The following GAB4 variants were observed in gnomAD, a reference collection of about 807,000 sequenced individuals.
The protein encoded by GAB4 is GRB2-associated-binding protein 4.
Under a neutral mutation model 51.3 loss-of-function variants are expected in GAB4, and 26 were observed. The observed-to-expected ratio is 0.51, with a 90% confidence interval of 0.37 to 0.70. GAB4 has a LOEUF of 0.70. GAB4 is among the 30% of genes least tolerant of loss of function. The pLI, the probability that GAB4 is intolerant of heterozygous loss-of-function variation, is 0.00. For missense variants in GAB4, 759 were observed against 734.6 expected (o/e 1.03, Z -0.38); for synonymous variants, 329 against 291.2 (o/e 1.13, Z -1.32).
At chr22:16,984,373 T>C (rs1228367394) in intron 3 of GAB4, among the ~76,000 whole-genome samples, 1 of 152,220 alleles carries the variant, frequency 6.6e-6, no homozygotes, top group Non-Finnish European at 1.5e-5. Context: ...GCACAGCCAC[T>C]ATGGAAAACA....
chr22:16,985,963 A>G (rs1197548365), intron 3 of GAB4, among the ~76,000 whole-genome samples: 3 of 152,260 alleles, frequency 2.0e-5, no homozygotes, highest in Non-Finnish European at 4.4e-5. Flanking sequence ...GACAGCCCCA[A>G]ATGCTGGGAG....
At chr22:17,004,488 C>T (rs1288615882) in intron 1 of GAB4, among the ~76,000 whole-genome samples, 2 of 152,138 alleles carry the variant, frequency 1.3e-5, no homozygotes, top group Admixed American at 6.5e-5. Context: ...ACGATCAAGT[C>T]GACTTCATTC....
chr22:16,988,001 G>A lies in GAB4; in HGVS notation c.645C>T (p.Leu215=). Reference sequence around the variant, plus strand: ...TCTGGCTGGCGTGCTGGTGCGAGCGGAGACACCCCGGAGGTGCAGGGATGG... The same window carrying A: ...TCTGGCTGGCGTGCTGGTGCGAGCGAAGACACCCCGGAGGTGCAGGGATGG... ...TWPIPAPPGC[L]RSHQHASQRA... is the part of the protein sequence containing the mutation. The change falls in exon 3 of 10, where the codon CTC becomes CTT. Residue 215 remains leucine (L), a synonymous_variant. Coordinates refer to ENST00000400588, the MANE Select transcript of GAB4 (RefSeq NM_001037814.1). 1 of 1,610,122 alleles carries A rather than the reference G, an allele frequency of 6.2e-7. No individual in the cohort carries two copies. Among genetic ancestry groups the A allele is most frequent in the South Asian group, 1.1e-5 (1 of 90,266 alleles).
chr22:16,984,669 G>A (rs2060853480), intron 3 of GAB4, among the ~76,000 whole-genome samples: 1 of 152,230 alleles, frequency 6.6e-6, no homozygotes, highest in Admixed American at 6.5e-5. Context: ...GAGACTGCAA[G>A]TTCCATCTCT....
At position 16,966,198 on chromosome 22, in the gene GAB4, C is replaced by T. The variant is rs771814028; in HGVS notation, c.1190G>A (p.Gly397Asp). ...CATAGAAAGCTCTGTGAGTGGGGAG[C>T]CAAGCAGGTCAAAGCGAACAAGACA... ...GSCLVRFDLL[G>D]SPLTELSMHQ... Residue 397 changes from glycine to aspartate, a missense_variant, in exon 6 of 10, where the codon GGC (glycine) becomes GAC (aspartate). Around this residue, in one of 3 missense-constraint regions of GAB4, gnomAD observed 588 missense variants for 510.2 expected, o/e 1.15. Coordinates refer to ENST00000400588, the MANE Select transcript of GAB4 (RefSeq NM_001037814.1). 5.6e-6 allele frequency: 9 copies of T among 1,613,904 alleles called. No homozygotes were observed. The African/African-American group carries it at 1.2e-4, about 22-fold the overall frequency.
intron 3 of GAB4, among the ~76,000 whole-genome samples, chr22:16,987,632 A>G (rs564109013): frequency 3.9e-4 from 60 of 152,348 alleles, no homozygotes; most frequent in African/African-American, 1.4e-3. Context: ...TCTTAAGGCC[A>G]ACACATAAAC....
At chr22:16,986,612 A>G (rs1296021198) in intron 3 of GAB4, among the ~76,000 whole-genome samples, 1 of 152,202 alleles carries the variant, frequency 6.6e-6, no homozygotes, top group African/African-American at 2.4e-5. Flanking sequence ...TCAATTTGAA[A>G]CCATATCTGG....
chr22:16,962,729 C>T lies in GAB4; in HGVS notation c.*4G>A, dbSNP rs377298328. On this transcript the variant is annotated 3_prime_UTR_variant, in exon 10 of 10. Coordinates refer to ENST00000400588, the MANE Select transcript of GAB4 (RefSeq NM_001037814.1). ...TGGCCCCACTCTGGTTTTGGTGGCC[C>T]GAGTCACAGCTTGGCGCCCCTGGGA... 1.2e-5 allele frequency: 20 copies of T among 1,608,222 alleles called. No homozygotes were observed. The highest frequency in any genetic ancestry group is 1.6e-5 in the Non-Finnish European group (19 of 1,178,450).
intron 1 of GAB4, among the ~76,000 whole-genome samples, chr22:17,000,520 G>A (rs538174385): frequency 1.3e-5 from 2 of 151,952 alleles, no homozygotes; most frequent in South Asian, 4.2e-4. Flanking sequence ...TTTATTTTGA[G>A]CCTATGTGTG....
chr22:16,997,028 A>G (rs1347638810), intron 1 of GAB4, among the ~76,000 whole-genome samples: 2 of 152,074 alleles, frequency 1.3e-5, no homozygotes, highest in African/African-American at 4.8e-5. Flanking sequence ...TCCATGGTGT[A>G]TATGTGCCAC....
chr22:16,986,643 T>C (rs1601275676), intron 3 of GAB4, among the ~76,000 whole-genome samples: 1 of 152,360 alleles, frequency 6.6e-6, no homozygotes, highest in East Asian at 1.9e-4. Flanking sequence ...GCCTGTGCCA[T>C]GCTTTCCATT....
At chr22:17,005,562 T>C (rs1271970497) in intron 1 of GAB4, among the ~76,000 whole-genome samples, 1 of 151,928 alleles carries the variant, frequency 6.6e-6, no homozygotes, top group Non-Finnish European at 1.5e-5. Context: ...TAAGCAAAAA[T>C]AACAAAGCTG....
chr22:16,965,073 C>T, intron 7 of GAB4, 105 bp downstream of exon 7: 1 of 864,288 alleles, frequency 1.2e-6, no homozygotes, highest in Non-Finnish European at 1.8e-6. Context: ...GCCATGTCCA[C>T]ATCGACATGA....
intron 1 of GAB4, among the ~76,000 whole-genome samples, chr22:17,004,014 A>G (rs1339929131): frequency 1.3e-5 from 2 of 152,240 alleles, no homozygotes; most frequent in African/African-American, 4.8e-5. Flanking sequence ...CCACAGAAAT[A>G]CAAACTACCA....
intron 5 of GAB4, 166 bp from the exon 6 acceptor site, chr22:16,966,530 T>G (rs868353113): frequency 4.3e-6 from 3 of 700,748 alleles, no homozygotes; most frequent in Admixed American, 3.0e-5. Context: ...GCGGCCCAGA[T>G]AGAAGTGCCC....
chr22:16,967,925 A>C (rs975033284), intron 5 of GAB4, among the ~76,000 whole-genome samples: 1 of 151,406 alleles, frequency 6.6e-6, no homozygotes, highest in African/African-American at 2.4e-5. Context: ...ATCACCCACC[A>C]CCCCAGCAGC....
rs115898475 is a variant in GAB4, at chr22:16,966,347, C to T, written c.1041G>A (p.Val347=). ...VCSFLPGRTL[V]GLSDSIASEG... is the part of the protein sequence containing the mutation. ...CAGAAGCAATGCTGTCTGACAGGCC[C>T]ACAAGCGTTCTTCCTGGCTAGGAAG... The change falls in exon 6 of 10, where the codon GTG becomes GTA. Residue 347 remains valine, a synonymous_variant. Coordinates refer to ENST00000400588, the MANE Select transcript of GAB4 (RefSeq NM_001037814.1). 9 of 1,611,852 alleles carry T rather than the reference C, an allele frequency of 5.6e-6. No individual in the cohort carries two copies. The highest frequency in any genetic ancestry group is 7.6e-6 in the Non-Finnish European group (9 of 1,178,748).
In GAB4 at chr22:16,992,317, G is replaced by A. The variant is rs2060920855; in HGVS notation, c.175-141C>T. ...CCTTTCGGATTTCCCCAGTTTCAAA[G>A]GTGGAGAGTGACTTTGAATGCATTT... On this transcript the variant is annotated intron_variant, in intron 1 of 9. Transcript: ENST00000400588. 4.3e-6 allele frequency: 3 copies of A among 696,826 alleles called. No homozygotes were observed. In the African/African-American group the frequency reaches 5.4e-5, roughly 12 times the overall value. The allele number at this position is 696,826 out of a possible 1,614,324, so 43.2% of individuals were successfully genotyped here.
intron 3 of GAB4, 32 bp from the exon 4 acceptor site, chr22:16,970,225 G>T (rs766263674): frequency 6.2e-7 from 1 of 1,612,226 alleles, no homozygotes; most frequent in South Asian, 1.1e-5. Context: ...AGGGGCAGGG[G>T]TGAGAGGAGG....
Sources: allele counts gnomAD v4.1 joint callset (sites outside exome capture counted in the v4.1 genomes callset), GRCh38; gene constraint gnomAD v4.1.1; regional missense constraint gnomAD v4.1.1; transcripts MANE v1.5; gene names NCBI Gene and HGNC (gene_info 2026-07-23, HGNC 2026-07-21).